The following PTBP2 variants were observed in gnomAD, a reference collection of about 807,000 sequenced individuals.
PTBP2 encodes the protein polypyrimidine tract binding protein 2.
In PTBP2, 13 loss-of-function variants were observed where a neutral mutation model predicts 61.4. That is an observed-to-expected ratio of 0.21 (90% CI 0.14 to 0.34). PTBP2 has a LOEUF of 0.34. PTBP2 is among the 10% of genes least tolerant of loss of function. PTBP2 has a pLI of 1.00. For missense variants in PTBP2, 405 were observed against 642.6 expected, an observed-to-expected ratio of 0.63 and a Z score of 4.00; for synonymous variants, 215 against 218.5, an observed-to-expected ratio of 0.98 and a Z score of 0.14.
downstream of PTBP2, chr1:96,818,658 G>A (rs1243167637): frequency 6.6e-6 from 1 of 152,026 alleles, no homozygotes; most frequent in African/African-American, 2.4e-5. Context: ...ACATAAGTTG[G>A]AGAAGCACTC....
chr1:96,768,862 A>G (rs1657051670), intron 3 of PTBP2, among the ~76,000 whole-genome samples: 1 of 152,014 alleles, frequency 6.6e-6, no homozygotes, highest in African/African-American at 2.4e-5. Flanking sequence ...AAGCCATAAT[A>G]TGGATTGACT....
In PTBP2 at chr1:96,813,454, A is replaced by G. The variant is rs1662263082; in HGVS notation, c.*49A>G. 1 of 1,439,784 alleles carries G rather than the reference A, an allele frequency of 6.9e-7. No individual in the cohort carries two copies. The highest frequency in any genetic ancestry group is 9.2e-7 in the Non-Finnish European group (1 of 1,082,522). 89.2% of individuals were successfully genotyped at this position (1,439,784 alleles called of 1,614,324 possible). On this transcript the variant is annotated 3_prime_UTR_variant, in exon 14 of 14. Coordinates refer to ENST00000674951, the MANE Select transcript of PTBP2 (RefSeq NM_021190.4). ...GTGAATCACATTGTTCAATGTCATC[A>G]CCTATTTGACTGTTCAGAAAAGTGG...
intron 2 of PTBP2, among the ~76,000 whole-genome samples, chr1:96,724,652 G>A (rs567265429): frequency 1.7e-4 from 22 of 131,140 alleles, no homozygotes; most frequent in Admixed American, 7.3e-4. Context: ...ACATTTTTTC[G>A]AATTCTTAAA....
chr1:96,721,812 C>T lies in PTBP2; in HGVS notation c.-53C>T. 3 of 1,553,098 alleles carry T rather than the reference C, an allele frequency of 1.9e-6. No individual in the cohort carries two copies. Among genetic ancestry groups the T allele is most frequent in the South Asian group, 2.4e-5 (2 of 84,188 alleles). On this transcript the variant is annotated 5_prime_UTR_variant, in exon 1 of 14. Coordinates refer to ENST00000674951, the MANE Select transcript of PTBP2 (RefSeq NM_021190.4). ...CGCCATTTTCTCGCCGCTTGTGTGGCTCGCTGGCTGCGTGGCTCGGTTCTT... is the reference window on the plus strand; with the variant it reads ...CGCCATTTTCTCGCCGCTTGTGTGGTTCGCTGGCTGCGTGGCTCGGTTCTT...
chr1:96,781,321 A>G (rs956569968), intron 7 of PTBP2, among the ~76,000 whole-genome samples: 1 of 151,936 alleles, frequency 6.6e-6, no homozygotes, highest in African/African-American at 2.4e-5. Flanking sequence ...GTCAAGTCAT[A>G]TTGCTTCTAA....
intron 5 of PTBP2, among the ~76,000 whole-genome samples, chr1:96,775,935 TG>T (rs1657986954): frequency 6.6e-6 from 1 of 151,922 alleles, no homozygotes; most frequent in Non-Finnish European, 1.5e-5. Context: ...TGAATAGTAT[TG>T]AAAAAAATAC....
At chr1:96,810,118 A>G (rs1661915921) in intron 11 of PTBP2, among the ~76,000 whole-genome samples, 1 of 152,200 alleles carries the variant, frequency 6.6e-6, no homozygotes, top group African/African-American at 2.4e-5. Context: ...GAGGTCTTTT[A>G]AAATTTTTAT....
intron 2 of PTBP2, among the ~76,000 whole-genome samples, chr1:96,733,327 T>G (rs996740959): frequency 1.3e-5 from 2 of 152,150 alleles, no homozygotes; most frequent in African/African-American, 4.8e-5. Context: ...TAATAGAGGA[T>G]AAATGTTTAA....
chr1:96,726,729 G>T (rs372063515), intron 2 of PTBP2, among the ~76,000 whole-genome samples: 1 of 152,048 alleles, frequency 6.6e-6, no homozygotes, highest in Non-Finnish European at 1.5e-5. Flanking sequence ...GAGCCACCGC[G>T]CCTAGCCAAA....
chr1:96,740,842 T>G (rs1007221471), intron 2 of PTBP2, among the ~76,000 whole-genome samples: 9 of 151,994 alleles, frequency 5.9e-5, no homozygotes, highest in Non-Finnish European at 1.0e-4. Context: ...TATATCATCT[T>G]GACAAATGAG....
At chr1:96,746,578 G>A (rs1393760633) in intron 2 of PTBP2, among the ~76,000 whole-genome samples, 1 of 151,762 alleles carries the variant, frequency 6.6e-6, no homozygotes, top group Non-Finnish European at 1.5e-5. Context: ...GCTTGCGTCT[G>A]TAATCTCAGC....
At chr1:96,805,801 T>A (rs1055796404) in intron 9 of PTBP2, among the ~76,000 whole-genome samples, 1 of 152,226 alleles carries the variant, frequency 6.6e-6, no homozygotes, top group Non-Finnish European at 1.5e-5. Context: ...ATTTTAAGAC[T>A]TTTGCCTGCA....
intron 3 of PTBP2, among the ~76,000 whole-genome samples, chr1:96,756,575 CTG>C (rs897890062): frequency 3.3e-5 from 5 of 151,880 alleles, no homozygotes; most frequent in Non-Finnish European, 7.4e-5. Context: ...GCCAAATAAA[CTG>C]TGGTGTATAT....
chr1:96,747,083 C>G (rs910016610), intron 2 of PTBP2, among the ~76,000 whole-genome samples: 8 of 151,558 alleles, frequency 5.3e-5, no homozygotes, highest in African/African-American at 1.9e-4. Flanking sequence ...AATCCTTTCT[C>G]CCTCCCCCCA....
chr1:96,749,457 T>G (rs1298204725), intron 2 of PTBP2, among the ~76,000 whole-genome samples: 1 of 152,218 alleles, frequency 6.6e-6, no homozygotes, highest in Non-Finnish European at 1.5e-5. Flanking sequence ...AATATTTTAC[T>G]TGATTAGGAA....
At chr1:96,739,361 G>A (rs935511678) in intron 2 of PTBP2, among the ~76,000 whole-genome samples, 11 of 152,056 alleles carry the variant, frequency 7.2e-5, no homozygotes, top group Non-Finnish European at 1.2e-4. Flanking sequence ...CACTTAAATT[G>A]TTTAATTATT....
intron 7 of PTBP2, among the ~76,000 whole-genome samples, chr1:96,784,555 T>G (rs1174977334): frequency 6.6e-6 from 1 of 152,120 alleles, no homozygotes; most frequent in Non-Finnish European, 1.5e-5. Context: ...TTTTGCCTCA[T>G]TTTATGGGAA....
intron 2 of PTBP2, among the ~76,000 whole-genome samples, chr1:96,742,692 C>G (rs1465784129): frequency 9.0e-6 from 1 of 110,546 alleles, no homozygotes; most frequent in East Asian, 2.6e-4. Flanking sequence ...TTTTAGAGTT[C>G]TCTTTTTATT....
rs1649963487 is a variant in PTBP2, at chr1:96,723,682, A to G, written c.39+88A>G. On this transcript the variant is annotated intron_variant, in intron 2 of 13. Transcript: ENST00000674951. The stretch of plus-strand genomic sequence containing the variant: ...TTTAGCTTTTGCTTTTGAAAACTAT[A>G]ACGTAGCTAACAAAACCCAAGTGTA... The G allele has an allele frequency of 3.4e-6, 4 of 1,189,904 alleles. No homozygotes were observed. In the South Asian group the frequency reaches 6.5e-5, roughly 19 times the overall value. 73.7% of individuals were successfully genotyped at this position (1,189,904 alleles called of 1,614,324 possible).
Sources: allele counts gnomAD v4.1 joint callset (sites outside exome capture counted in the v4.1 genomes callset), GRCh38; gene constraint gnomAD v4.1.1; transcripts MANE v1.5; gene names NCBI Gene and HGNC (gene_info 2026-07-23, HGNC 2026-07-21).